The following COL28A1 variants were observed in gnomAD, a reference collection of about 807,000 sequenced individuals.
COL28A1 encodes collagen type XXVIII alpha 1 chain.
In COL28A1, 161 loss-of-function variants were observed where a neutral mutation model predicts 150.2. The ratio of observed to expected loss-of-function variants is 1.07; its 90% CI spans 0.94 to 1.22. The LOEUF (loss-of-function observed/expected upper bound fraction) is 1.22. Ranked by LOEUF, COL28A1 falls within the 50% of genes most tolerant of loss-of-function variation. The probability of loss-of-function intolerance (pLI) is 0.00; values close to 1 mark genes in which losing one functional copy is unlikely to be tolerated. For missense variants in COL28A1, 1,617 were observed against 1,388.3 expected (o/e 1.16, Z -2.62); for synonymous variants, 552 against 469.7 (o/e 1.18, Z -2.26).
chr7:7,479,701 G>T (rs998117378), intron 13 of COL28A1, among the ~76,000 whole-genome samples: 1 of 152,196 alleles, frequency 6.6e-6, no homozygotes, highest in African/African-American at 2.4e-5. Flanking sequence ...AGAAGTTCAT[G>T]TAACTATTGC....
chr7:7,396,901 CCT>C (rs1285024472), intron 27 of COL28A1, among the ~76,000 whole-genome samples: 1 of 152,158 alleles, frequency 6.6e-6, no homozygotes, highest in Non-Finnish European at 1.5e-5. Context: ...TACCTCTTCC[CCT>C]GTCTCCATGG....
chr7:7,459,412 A>G (rs533752601), intron 15 of COL28A1, among the ~76,000 whole-genome samples: 1 of 152,358 alleles, frequency 6.6e-6, no homozygotes, highest in East Asian at 1.9e-4. Context: ...GCTAGAAGAG[A>G]TAACTACCAG....
chr7:7,467,825 A>T (rs1788158617), intron 15 of COL28A1, among the ~76,000 whole-genome samples: 1 of 141,774 alleles, frequency 7.1e-6, no homozygotes, highest in African/African-American at 2.8e-5. Flanking sequence ...GCTCAACTAC[A>T]TGGAAACTGA....
At chr7:7,469,679 T>A (rs1788268069) in intron 15 of COL28A1, among the ~76,000 whole-genome samples, 1 of 87,428 alleles carries the variant, frequency 1.1e-5, no homozygotes, top group African/African-American at 4.6e-5. Flanking sequence ...AGAACAAAGC[T>A]GGAGGCATCA....
Position 7,515,830 on chromosome 7 carries a change from C to T in COL28A1, c.866G>A (p.Gly289Glu). ...CCAACTTACCTTGTCACCCTTGTACCCAGGAATTCCCTAATTTAAAAAGAA... is the reference window on the plus strand; with the variant it reads ...CCAACTTACCTTGTCACCCTTGTACTCAGGAATTCCCTAATTTAAAAAGAA... ...AGERGPGGIP[G>E]YKGDKGERGE... The change falls in exon 8 of 35, where the codon GGG becomes GAG. Residue 289 changes from glycine (G) to glutamate (E), a missense_variant. Gly to Glu is a moderately conservative substitution (Grantham distance 98, BLOSUM62 -2). Transcript: ENST00000399429. 9.6e-7 allele frequency: 1 copy of T among 1,040,974 alleles called. No homozygotes were observed. The highest frequency in any genetic ancestry group is 1.5e-6 in the Non-Finnish European group (1 of 660,720). 64.5% of individuals were successfully genotyped at this position (1,040,974 alleles called of 1,614,324 possible).
chr7:7,498,195 C>G (rs1393882667), intron 11 of COL28A1, among the ~76,000 whole-genome samples: 1 of 152,062 alleles, frequency 6.6e-6, no homozygotes, highest in Non-Finnish European at 1.5e-5. Flanking sequence ...GAAAGTCATA[C>G]TTCATTATAT....
Position 7,358,551 on chromosome 7 carries a change from T to C in COL28A1, c.*82A>G. On this transcript the variant is annotated 3_prime_UTR_variant, in exon 35 of 35. Transcript: ENST00000399429. The stretch of plus-strand genomic sequence containing the variant: ...TGTAAATACTCAGTATACACTCAAA[T>C]ATAGTGCTGTATTTGTATTGGGTGA... 7.8e-7 allele frequency: 1 copy of C among 1,276,606 alleles called. No homozygotes were observed. The allele number at this position is 1,276,606 out of a possible 1,614,324, so 79.1% of individuals were successfully genotyped here. A position where few individuals can be genotyped will look rare whatever the true frequency, so the allele number is the denominator to read the frequency against.
At chr7:7,409,839 AGGGCCTTGT>A (rs1171371623) in intron 27 of COL28A1, among the ~76,000 whole-genome samples, 1 of 152,080 alleles carries the variant, frequency 6.6e-6, no homozygotes, top group Non-Finnish European at 1.5e-5. Context: ...GTCATCACAC[AGGGCCTTGT>A]TCATAGCAAA....
At position 7,445,494 on chromosome 7, in the gene COL28A1, C is replaced by T. The variant is rs1012437329; in HGVS notation, c.1510-1005G>A. On this transcript the variant is annotated intron_variant, in intron 18 of 34. Transcript: ENST00000399429. Reference sequence around the variant, plus strand: ...TTCTGTTGTATTAAGGCACTCAGTTCCTAGTACTTTCTTACATCAGCTCTA... The same window carrying T: ...TTCTGTTGTATTAAGGCACTCAGTTTCTAGTACTTTCTTACATCAGCTCTA... Among the ~76,000 whole-genome samples the T allele has an allele frequency of 8.5e-5, 13 of 152,288 alleles. No homozygotes were observed. The South Asian group carries it at 2.7e-3, about 32-fold the overall frequency.
At chr7:7,513,475 G>A (rs944147010) in intron 8 of COL28A1, among the ~76,000 whole-genome samples, 1 of 152,226 alleles carries the variant, frequency 6.6e-6, no homozygotes, top group East Asian at 1.9e-4. Context: ...GACTCTTAGA[G>A]CCAGCTATGC....
intron 21 of COL28A1, 23 bp from the exon 22 acceptor site, chr7:7,437,485 C>A: frequency 6.2e-7 from 1 of 1,608,286 alleles, no homozygotes. Flanking sequence ...AAAATGCTCA[C>A]TACATTTCAA....
chr7:7,373,607 G>C lies in COL28A1; in HGVS notation c.2360-61C>G. Reference sequence around the variant, plus strand: ...AATGATTGACATCAGATTGTTGAGGGGAGGGGAGAAAAAGTCAATGATGAA... The same window carrying C: ...AATGATTGACATCAGATTGTTGAGGCGAGGGGAGAAAAAGTCAATGATGAA... On this transcript the variant is annotated intron_variant, in intron 31 of 34. Coordinates refer to ENST00000399429, the MANE Select transcript of COL28A1 (RefSeq NM_001037763.3). The surrounding 1 kb of genome is among the most constrained non-coding windows in gnomAD (Gnocchi z 4.1). 7.1e-7 allele frequency: 1 copy of C among 1,415,356 alleles called. No individual in the cohort carries two copies. Among genetic ancestry groups the C allele is most frequent in the Non-Finnish European group, 9.7e-7 (1 of 1,031,738 alleles). The allele number at this position is 1,415,356 out of a possible 1,614,324, so 87.7% of individuals were successfully genotyped here.
At chr7:7,433,503 G>T (rs554199719) in intron 23 of COL28A1, among the ~76,000 whole-genome samples, 1 of 151,758 alleles carries the variant, frequency 6.6e-6, no homozygotes. Flanking sequence ...GCATGGTGGC[G>T]GGTGCCTGTA....
intron 27 of COL28A1, among the ~76,000 whole-genome samples, chr7:7,393,591 C>T (rs926836476): frequency 7.7e-6 from 1 of 130,036 alleles, no homozygotes; most frequent in African/African-American, 3.0e-5. Context: ...CCGAGGGAGA[C>T]GGGGGTTTTA....
At chr7:7,368,987 A>G (rs1348728517) in intron 33 of COL28A1, among the ~76,000 whole-genome samples, 2 of 152,230 alleles carry the variant, frequency 1.3e-5, no homozygotes, top group South Asian at 2.1e-4. Context: ...ATGTCTTAAG[A>G]GCCACACCAT....
chr7:7,483,770 T>A (rs1779476195), intron 13 of COL28A1, among the ~76,000 whole-genome samples: 1 of 152,032 alleles, frequency 6.6e-6, no homozygotes, highest in Non-Finnish European at 1.5e-5. Flanking sequence ...AAAAAAGAAG[T>A]ACTTTAAATA....
In COL28A1 at chr7:7,474,806, G is replaced by C. The variant is rs896068595; in HGVS notation, c.1234-137C>G. 3 of 602,418 alleles carry C rather than the reference G, an allele frequency of 5.0e-6. No individual in the cohort carries two copies. The African/African-American group carries it at 5.7e-5, about 11-fold the overall frequency. 37.3% of individuals were successfully genotyped at this position (602,418 alleles called of 1,614,324 possible). Reference sequence around the variant, plus strand: ...TCCAAAGTCACTGTTTACTACAAATGGGTAATTCTAATTGACTCTGAGATT... The same window carrying C: ...TCCAAAGTCACTGTTTACTACAAATCGGTAATTCTAATTGACTCTGAGATT... On this transcript the variant is annotated intron_variant, in intron 14 of 34. Coordinates refer to ENST00000399429, the MANE Select transcript of COL28A1 (RefSeq NM_001037763.3).
intron 25 of COL28A1, chr7:7,431,659 C>G (rs894938078): frequency 2.1e-6 from 1 of 470,548 alleles, no homozygotes; most frequent in Non-Finnish European, 4.4e-6. Context: ...GAAAGAGAAG[C>G]CACCAGGGTG....
chr7:7,478,121 T>C (rs1055365630), intron 13 of COL28A1, among the ~76,000 whole-genome samples: 3 of 151,508 alleles, frequency 2.0e-5, no homozygotes, highest in African/African-American at 7.3e-5. Context: ...GACATAAAGA[T>C]TCTCCAAGTC....
Sources: allele counts gnomAD v4.1 joint callset (sites outside exome capture counted in the v4.1 genomes callset), GRCh38; gene constraint gnomAD v4.1.1; non-coding constraint Gnocchi (gnomAD v3.1); transcripts MANE v1.5; gene names NCBI Gene and HGNC (gene_info 2026-07-23, HGNC 2026-07-21).